The following NOL4L variants were observed in gnomAD, a reference collection of about 807,000 sequenced individuals.
NOL4L encodes the protein nucleolar protein 4-like.
A neutral mutation model predicts 64.5 loss-of-function variants in NOL4L; 7 were observed. The ratio of observed to expected loss-of-function variants is 0.11; its 90% CI spans 0.06 to 0.20. The LOEUF (loss-of-function observed/expected upper bound fraction) is 0.20, where lower values mean the gene tolerates loss of function less well. Among genes scored for constraint, NOL4L ranks in the 10% least tolerant of loss-of-function variants. The probability of loss-of-function intolerance (pLI) is 1.00; values close to 1 mark genes in which losing one functional copy is unlikely to be tolerated. For missense variants in NOL4L, 680 were observed against 967.1 expected, an observed-to-expected ratio of 0.70 and a Z score of 3.94; for synonymous variants, 413 against 401.0, an observed-to-expected ratio of 1.03 and a Z score of -0.36.
chr20:32,447,207 T>G lies in NOL4L; in HGVS notation c.*389A>C. 2.1e-6 allele frequency: 1 copy of G among 476,562 alleles called. No individual in the cohort carries two copies. Among genetic ancestry groups the G allele is most frequent in the Admixed American group, 2.4e-5 (1 of 42,472 alleles). The allele number at this position is 476,562 out of a possible 1,614,324, so 29.5% of individuals were successfully genotyped here. Reference sequence around the variant, plus strand: ...GAAGAAAGGGTCCACTTTGCTTTTCTCAATAAATATGCAATTCTGCTCACC... The same window carrying G: ...GAAGAAAGGGTCCACTTTGCTTTTCGCAATAAATATGCAATTCTGCTCACC... On this transcript the variant is annotated 3_prime_UTR_variant, in exon 11 of 11. Transcript: ENST00000621426.
chr20:32,560,390 G>T (rs904395406), intron 1 of NOL4L, among the ~76,000 whole-genome samples: 10 of 152,178 alleles, frequency 6.6e-5, no homozygotes, highest in Non-Finnish European at 1.3e-4. Context: ...GAGAGGCCGA[G>T]CCACCTGTCT....
intron 4 of NOL4L, chr20:32,483,223 C>G (rs890346970): frequency 5.3e-6 from 2 of 375,742 alleles, no homozygotes; most frequent in African/African-American, 4.4e-5. Flanking sequence ...TCCCCCTGCG[C>G]CCCCCTCCCC....
chr20:32,473,177 G>A (rs2015141880), intron 5 of NOL4L, among the ~76,000 whole-genome samples: 1 of 152,238 alleles, frequency 6.6e-6, no homozygotes, highest in Admixed American at 6.5e-5. Flanking sequence ...CAGCCCCACT[G>A]CTCTGGGTTT....
intron 5 of NOL4L, among the ~76,000 whole-genome samples, chr20:32,462,119 C>T (rs1451955656): frequency 6.6e-6 from 1 of 152,194 alleles, no homozygotes; most frequent in Non-Finnish European, 1.5e-5. Context: ...CCTGGGGTTG[C>T]TGGGCCCGTG....
At chr20:32,535,837 C>G (rs1333189766) in intron 1 of NOL4L, 1 of 985,428 alleles carries the variant, frequency 1.0e-6, no homozygotes, top group Admixed American at 6.1e-5. Flanking sequence ...TGGGGAAATG[C>G]AGATCCGAAT....
At chr20:32,486,489 C>T (rs2016090872) in intron 4 of NOL4L, among the ~76,000 whole-genome samples, 1 of 152,166 alleles carries the variant, frequency 6.6e-6, no homozygotes, top group South Asian at 2.1e-4. Flanking sequence ...GCTTTTTAAG[C>T]AGCAAACCCC....
chr20:32,461,523 T>C (rs184591263), intron 5 of NOL4L, among the ~76,000 whole-genome samples: 2,171 of 150,030 alleles, frequency 0.014, 59 homozygotes, highest in African/African-American at 0.051. Context: ...CCCGGGTTCA[T>C]GCCATTCTCC....
chr20:32,516,005 G>A (rs1207709439), intron 3 of NOL4L, among the ~76,000 whole-genome samples: 1 of 152,170 alleles, frequency 6.6e-6, no homozygotes, highest in Non-Finnish European at 1.5e-5. Context: ...TGTGCAGCTG[G>A]GCGCCAATGG....
At chr20:32,562,678 G>A (rs1232232396) in intron 1 of NOL4L, among the ~76,000 whole-genome samples, 4 of 151,884 alleles carry the variant, frequency 2.6e-5, no homozygotes, top group Non-Finnish European at 4.4e-5. Flanking sequence ...GAATGCTCCC[G>A]GCCTGGTATC....
At chr20:32,489,238 T>A (rs2016356534) in intron 4 of NOL4L, among the ~76,000 whole-genome samples, 1 of 152,044 alleles carries the variant, frequency 6.6e-6, no homozygotes, top group South Asian at 2.1e-4. Flanking sequence ...CTTTATGTCT[T>A]CATTACATTT....
Position 32,453,521 on chromosome 20 carries a change from G to A in NOL4L, c.1306-26C>T. ...CTGTGGAGACACGGGCCATGGGAAGGGCTGGCCCTGGCCTTGCCCCCATCC... is the reference window on the plus strand; with the variant it reads ...CTGTGGAGACACGGGCCATGGGAAGAGCTGGCCCTGGCCTTGCCCCCATCC... On this transcript the variant is annotated intron_variant, in intron 7 of 10. Transcript: ENST00000621426. The surrounding 1 kb of genome is among the most constrained non-coding windows in gnomAD (Gnocchi z 5.6). 6.2e-7 allele frequency: 1 copy of A among 1,613,382 alleles called. No individual in the cohort carries two copies. Among genetic ancestry groups the A allele is most frequent in the Non-Finnish European group, 8.5e-7 (1 of 1,179,332 alleles).
At chr20:32,452,117 GCAGC>G in intron 10 of NOL4L, 115 bp downstream of exon 10, 1 of 839,244 alleles carries the variant, frequency 1.2e-6, no homozygotes. Flanking sequence ...ATGCTGTGAG[GCAGC>G]CCCTTTCCAT....
chr20:32,511,516 T>C (rs1056626352), intron 3 of NOL4L, 60 bp from the exon 4 acceptor site: 1 of 1,208,946 alleles, frequency 8.3e-7, no homozygotes, highest in Non-Finnish European at 1.2e-6. Context: ...GTTGCCCACA[T>C]GGAGCATTTA....
rs2018233573 is a variant in NOL4L at position 32,528,692 on chromosome 20, A to G, written c.322-779T>C. ...CAGCAGGAAAGGGGGCTGCAGGGAA[A>G]CCACAGGGCAGGAGGCTGGGGGTGA... is the stretch of plus-strand genomic sequence containing the variant. On this transcript the variant is annotated intron_variant, in intron 1 of 10. Coordinates refer to ENST00000621426, the MANE Select transcript of NOL4L (RefSeq NM_001256798.2). Among the ~76,000 whole-genome samples the G allele has an allele frequency of 2.0e-5, 3 of 152,202 alleles. No individual in the cohort carries two copies. The South Asian group carries it at 6.2e-4, about 31-fold the overall frequency.
chr20:32,500,718 C>T (rs1328600364), intron 4 of NOL4L, among the ~76,000 whole-genome samples: 1 of 151,624 alleles, frequency 6.6e-6, no homozygotes, highest in Non-Finnish European at 1.5e-5. Context: ...TCTTACAGTG[C>T]CAGAAAGCAA....
chr20:32,481,964 C>G (rs71327419), intron 4 of NOL4L, among the ~76,000 whole-genome samples: 99 of 27,922 alleles, frequency 3.5e-3, no homozygotes, highest in South Asian at 6.4e-3. Flanking sequence ...TGGGGCGGGG[C>G]GGGGGGGGGG....
chr20:32,506,664 A>G (rs181653109), intron 4 of NOL4L, among the ~76,000 whole-genome samples: 182 of 152,160 alleles, frequency 1.2e-3, no homozygotes, highest in Admixed American at 4.8e-3. Context: ...TCCATCTCCA[A>G]ATAAATAAAT....
At chr20:32,533,549 A>G (rs769393000) in intron 1 of NOL4L, 2 of 152,204 alleles carry the variant, frequency 1.3e-5, no homozygotes, top group South Asian at 4.1e-4. Flanking sequence ...GGCCTAATAT[A>G]TTAATATTTT....
chr20:32,532,422 AAGAC>A (rs765201100), intron 1 of NOL4L: 121 of 977,294 alleles, frequency 1.2e-4, no homozygotes, highest in Non-Finnish European at 1.4e-4. Context: ...GAACCCTGAG[AAGAC>A]AGCAACAAAG....
Sources: allele counts gnomAD v4.1 joint callset (sites outside exome capture counted in the v4.1 genomes callset), GRCh38; gene constraint gnomAD v4.1.1; non-coding constraint Gnocchi (gnomAD v3.1); transcripts MANE v1.5; gene names NCBI Gene and HGNC (gene_info 2026-07-23, HGNC 2026-07-21).